The following PLXDC2 variants were observed in gnomAD, a reference collection of about 807,000 sequenced individuals.
PLXDC2 encodes the protein plexin domain-containing protein 2.
In PLXDC2, 40 loss-of-function variants were observed where a neutral mutation model predicts 68.9. The ratio of observed to expected loss-of-function variants is 0.58; its 90% CI spans 0.45 to 0.76. The LOEUF is 0.76. Among genes scored for constraint, PLXDC2 ranks in the 30% least tolerant of loss-of-function variants. The pLI is 0.00. For synonymous variants in PLXDC2, 243 were observed against 234.2 expected (o/e 1.04, Z -0.34); for missense variants, 644 against 661.9 (o/e 0.97, Z 0.30).
At chr10:19,996,345 G>A (rs113023541) in intron 1 of PLXDC2, among the ~76,000 whole-genome samples, 3,754 of 152,248 alleles carry the variant, frequency 0.025, 60 homozygotes, top group South Asian at 0.081. Context: ...TTTTTGGAAG[G>A]CTGAGGCTGA....
At chr10:20,134,774 T>C (rs528996102) in intron 4 of PLXDC2, among the ~76,000 whole-genome samples, 1 of 152,138 alleles carries the variant, frequency 6.6e-6, no homozygotes, top group South Asian at 2.1e-4. Flanking sequence ...TAACCTAGGA[T>C]TGCAAGTGTT....
At chr10:19,942,657 A>T (rs918870286) in intron 1 of PLXDC2, among the ~76,000 whole-genome samples, 1 of 152,066 alleles carries the variant, frequency 6.6e-6, no homozygotes, top group Non-Finnish European at 1.5e-5. Context: ...CCAGCTATTC[A>T]GGTGGCTGAA....
At chr10:20,140,475 C>G (rs1833990712) in intron 4 of PLXDC2, among the ~76,000 whole-genome samples, 1 of 146,168 alleles carries the variant, frequency 6.8e-6, no homozygotes, top group South Asian at 2.1e-4. Context: ...CCCAGAACAG[C>G]CAAAGAAAAG....
At chr10:19,946,875 G>A (rs906181552) in intron 1 of PLXDC2, among the ~76,000 whole-genome samples, 5 of 151,980 alleles carry the variant, frequency 3.3e-5, no homozygotes, top group Non-Finnish European at 7.4e-5. Flanking sequence ...GAGCTCAGGC[G>A]GTAATACGAG....
At chr10:19,829,916 A>C (rs1224552737) in intron 1 of PLXDC2, among the ~76,000 whole-genome samples, 1 of 152,222 alleles carries the variant, frequency 6.6e-6, no homozygotes, top group Non-Finnish European at 1.5e-5. Context: ...AATCGGTGTT[A>C]TCAAGAGTAG....
chr10:20,252,638 C>A (rs1024644930), intron 13 of PLXDC2, among the ~76,000 whole-genome samples: 7 of 152,100 alleles, frequency 4.6e-5, no homozygotes, highest in African/African-American at 1.4e-4. Context: ...ATAAGTTGAC[C>A]AGTCACTCAT....
chr10:19,873,290 A>C (rs1837574452), intron 1 of PLXDC2, among the ~76,000 whole-genome samples: 1 of 151,592 alleles, frequency 6.6e-6, no homozygotes, highest in Non-Finnish European at 1.5e-5. Flanking sequence ...CACTCAACAG[A>C]GTAGTTTGTG....
intron 2 of PLXDC2, among the ~76,000 whole-genome samples, chr10:20,025,768 T>A (rs1835389762): frequency 6.6e-6 from 1 of 152,140 alleles, no homozygotes; most frequent in Admixed American, 6.6e-5. Flanking sequence ...AACAGTAAGT[T>A]CCTTATACAT....
intron 1 of PLXDC2, among the ~76,000 whole-genome samples, chr10:19,854,850 G>A (rs987295562): frequency 6.6e-6 from 1 of 152,192 alleles, no homozygotes; most frequent in African/African-American, 2.4e-5. Flanking sequence ...ACATCTGTGA[G>A]CCTGGCCACC....
chr10:19,898,839 A>G (rs79336718), intron 1 of PLXDC2, among the ~76,000 whole-genome samples: 1,643 of 152,278 alleles, frequency 0.011, 28 homozygotes, highest in African/African-American at 0.036. Context: ...GGTGAATTAA[A>G]TAAATATTTA....
At chr10:19,951,476 A>C (rs1338161430) in intron 1 of PLXDC2, among the ~76,000 whole-genome samples, 1 of 152,132 alleles carries the variant, frequency 6.6e-6, no homozygotes, top group Admixed American at 6.5e-5. Flanking sequence ...TTCACAATGG[A>C]CATTATTTAA....
At chr10:20,026,122 T>C (rs1835397794) in intron 2 of PLXDC2, among the ~76,000 whole-genome samples, 1 of 152,152 alleles carries the variant, frequency 6.6e-6, no homozygotes, top group Admixed American at 6.6e-5. Flanking sequence ...TCATCTGAGA[T>C]GCATAGGTAA....
intron 12 of PLXDC2, 79 bp from the exon 13 acceptor site, chr10:20,245,266 A>G (rs937520078): frequency 6.9e-7 from 1 of 1,456,906 alleles, no homozygotes; most frequent in Non-Finnish European, 9.1e-7. Context: ...TTTATTAAAA[A>G]CACAAATATC....
At chr10:20,036,156 C>A (rs867474039) in intron 2 of PLXDC2, among the ~76,000 whole-genome samples, 10 of 152,214 alleles carry the variant, frequency 6.6e-5, no homozygotes, top group Middle Eastern at 3.4e-3. Flanking sequence ...TTGTACCCCC[C>A]GCCCACTCCA....
chr10:20,070,029 G>C (rs1237218674), intron 4 of PLXDC2, among the ~76,000 whole-genome samples: 1 of 152,126 alleles, frequency 6.6e-6, no homozygotes, highest in East Asian at 1.9e-4. Flanking sequence ...ATCACAGAGA[G>C]GAAGATCCTG....
chr10:20,005,365 A>T (rs1450282753), intron 2 of PLXDC2, among the ~76,000 whole-genome samples: 3 of 152,156 alleles, frequency 2.0e-5, no homozygotes, highest in Admixed American at 2.0e-4. Flanking sequence ...CTGGGGATTG[A>T]TGGAGATTAT....
At chr10:20,218,924 A>T (rs1396048838) in intron 11 of PLXDC2, 140 bp from the exon 12 acceptor site, 1 of 868,088 alleles carries the variant, frequency 1.2e-6, no homozygotes. Flanking sequence ...CTCTCATTGC[A>T]CTAGAAATTA....
intron 1 of PLXDC2, among the ~76,000 whole-genome samples, chr10:19,861,336 G>T (rs544004975): frequency 1.3e-5 from 2 of 151,934 alleles, no homozygotes; most frequent in African/African-American, 2.4e-5. Flanking sequence ...AGCCCAGCGT[G>T]CTGGATACTT....
At chr10:19,914,751 G>A (rs921030501) in intron 1 of PLXDC2, among the ~76,000 whole-genome samples, 1 of 152,186 alleles carries the variant, frequency 6.6e-6, no homozygotes, top group Non-Finnish European at 1.5e-5. Context: ...GAAGCCCAGG[G>A]TCACACAAGT....
Sources: gnomAD v4.1 joint callset for allele counts (sites outside exome capture counted in the v4.1 genomes callset) on GRCh38, gnomAD v4.1.1 for gene constraint, MANE v1.5 for transcripts, NCBI Gene and HGNC (gene_info 2026-07-23, HGNC 2026-07-21) for gene names.